RORA: variants seen among roughly 807,000 people sequenced by gnomAD.
RORA encodes the protein nuclear receptor ROR-alpha.
A neutral mutation model predicts 69.5 loss-of-function variants in RORA; 7 were observed. The ratio of observed to expected loss-of-function variants is 0.10; its 90% CI spans 0.06 to 0.19. RORA has a LOEUF of 0.19. RORA is among the 10% of genes least tolerant of loss of function. The pLI is 1.00. For synonymous variants in RORA, 261 were observed against 240.8 expected, an observed-to-expected ratio of 1.08 and a Z score of -0.78; for missense variants, 457 against 663.0, an observed-to-expected ratio of 0.69 and a Z score of 3.41.
chr15:60,558,049 G>A lies in RORA; in HGVS notation c.197-26198C>T, dbSNP rs375907040. ...GTTTGGCCTCTGAATGGGAACCTTAGTAGTGCCAATGACGAAAGAGAGAAT... is the reference window on the plus strand; with the variant it reads ...GTTTGGCCTCTGAATGGGAACCTTAATAGTGCCAATGACGAAAGAGAGAAT... On this transcript the variant is annotated intron_variant, in intron 2 of 10. Coordinates refer to ENST00000335670, the MANE Select transcript of RORA (RefSeq NM_134261.3). The A allele has an allele frequency of 1.6e-4, 68 of 422,004 alleles. No homozygotes were observed. In the Admixed American group the frequency reaches 2.6e-3, roughly 16 times the overall value. The allele number at this position is 422,004 out of a possible 1,614,324, so 26.1% of individuals were successfully genotyped here.
intron 1 of RORA, among the ~76,000 whole-genome samples, chr15:61,029,259 G>A (rs1390968847): frequency 6.6e-6 from 1 of 152,146 alleles, no homozygotes; most frequent in African/African-American, 2.4e-5. Context: ...GAGGAGCAAA[G>A]CTCCTGTGTG....
intron 1 of RORA, among the ~76,000 whole-genome samples, chr15:60,782,156 C>T (rs2072271909): frequency 6.6e-6 from 1 of 151,924 alleles, no homozygotes. Context: ...ACCTGGGAGG[C>T]GGAGGTTGCA....
At chr15:61,007,692 T>C (rs951568322) in intron 1 of RORA, among the ~76,000 whole-genome samples, 4 of 149,752 alleles carry the variant, frequency 2.7e-5, no homozygotes, top group African/African-American at 9.8e-5. Context: ...TAAAAATATA[T>C]AACATTAGGC....
chr15:60,622,048 C>CA lies in RORA; in HGVS notation c.196+56608dup, dbSNP rs201339236. 2.2e-3 allele frequency among the ~76,000 whole-genome samples: 324 copies of CA among 150,088 alleles called. 1 individual carries two copies. Among genetic ancestry groups the CA allele is most frequent in the Admixed American group, 8.8e-3 (133 of 15,096 alleles). ...GGGCAACAGGAGTGAAACTGTGACT[C>CA]AAAAAAAAGGAAAGCGGAATGTTCC... is the stretch of plus-strand genomic sequence containing the variant. On this transcript the variant is annotated intron_variant, in intron 2 of 10. Coordinates refer to ENST00000335670, the MANE Select transcript of RORA (RefSeq NM_134261.3).
chr15:60,917,723 A>G (rs951396267), intron 1 of RORA, among the ~76,000 whole-genome samples: 1 of 152,216 alleles, frequency 6.6e-6, no homozygotes, highest in African/African-American at 2.4e-5. Context: ...GGCTGAGAAT[A>G]TAATCTCTCA....
rs375530943 is a variant in RORA, at chr15:61,021,924, C to T, written c.166+207129G>A. 1.2e-3 allele frequency among the ~76,000 whole-genome samples: 180 copies of T among 152,280 alleles called. 1 individual carries two copies. The highest frequency in any genetic ancestry group is 4.1e-3 in the African/African-American group (171 of 41,562). ...TGGGATTTTGAGGGCGGGCACTATA[C>T]ATGAATGGTATATCACCTGGATGGG... On this transcript the variant is annotated intron_variant, in intron 1 of 10. Coordinates refer to ENST00000335670, the MANE Select transcript of RORA (RefSeq NM_134261.3).
chr15:60,851,138 T>C (rs1334592563), intron 1 of RORA, among the ~76,000 whole-genome samples: 1 of 152,154 alleles, frequency 6.6e-6, no homozygotes, highest in African/African-American at 2.4e-5. Context: ...GCTTGAGTCA[T>C]CAGGAGCAAC....
In RORA at chr15:60,507,694, A is replaced by G. The variant is rs970317433; in HGVS notation, c.821-2065T>C. ...AGGTAGTGAACTACCTCTTTTGGAA[A>G]GAACTCTCACTATATAAGGTCGTTT... On this transcript the variant is annotated intron_variant, in intron 5 of 10. Transcript: ENST00000335670. Among the ~76,000 whole-genome samples, 68 of 152,194 alleles carry G rather than the reference A, an allele frequency of 4.5e-4. 5 individuals carry two copies.
At chr15:60,972,414 T>G (rs1411328547) in intron 1 of RORA, among the ~76,000 whole-genome samples, 1 of 152,214 alleles carries the variant, frequency 6.6e-6, no homozygotes, top group Non-Finnish European at 1.5e-5. Context: ...ACCAAGCATC[T>G]GTGATACTGT....
chr15:60,935,876 A>AT (rs1892505042), intron 1 of RORA, among the ~76,000 whole-genome samples: 2 of 152,236 alleles, frequency 1.3e-5, no homozygotes, highest in African/African-American at 4.8e-5. Flanking sequence ...CCCAAAAGTT[A>AT]GCTTTGCCCT....
chr15:60,726,350 C>T (rs1360012937), intron 1 of RORA, among the ~76,000 whole-genome samples: 4 of 152,054 alleles, frequency 2.6e-5, no homozygotes, highest in Admixed American at 1.3e-4. Flanking sequence ...GAAATGTCTG[C>T]GTTCTTTGTT....
intron 1 of RORA, among the ~76,000 whole-genome samples, chr15:60,943,981 G>T (rs1471632000): frequency 1.4e-5 from 2 of 140,906 alleles, no homozygotes; most frequent in Non-Finnish European, 3.1e-5. Context: ...GAGCATAAAT[G>T]AGCATAAATA....
At chr15:61,053,522 G>A (rs1024028262) in intron 1 of RORA, among the ~76,000 whole-genome samples, 5 of 152,028 alleles carry the variant, frequency 3.3e-5, no homozygotes, top group Non-Finnish European at 5.9e-5. Flanking sequence ...GCTCTGATCA[G>A]CTACAAATGG....
chr15:60,825,988 A>T (rs1595745611), intron 1 of RORA, among the ~76,000 whole-genome samples: 1 of 152,208 alleles, frequency 6.6e-6, no homozygotes, highest in Middle Eastern at 3.2e-3. Context: ...AAAGGCTTTA[A>T]ATTCTATGAA....
intron 1 of RORA, among the ~76,000 whole-genome samples, chr15:60,726,325 T>C (rs915771809): frequency 3.9e-4 from 60 of 152,172 alleles, no homozygotes; most frequent in African/African-American, 1.4e-3. Context: ...TCAGGACCAA[T>C]GGAGAAGGAA....
At chr15:60,855,957 A>G (rs1032160188) in intron 1 of RORA, among the ~76,000 whole-genome samples, 4 of 152,194 alleles carry the variant, frequency 2.6e-5, no homozygotes, top group Admixed American at 6.5e-5. Context: ...CATTAAATTG[A>G]ACTAATATTA....
chr15:60,515,939 TTATATATATTTATATATTTATATTTA>T (rs1567050746), intron 3 of RORA, among the ~76,000 whole-genome samples: 13 of 32,540 alleles, frequency 4.0e-4, no homozygotes, highest in African/African-American at 6.4e-4. Flanking sequence ...ATATATATAT[TTATATATATTTATATATTTATATTTA>T]TATATATTTA....
At chr15:60,855,088 C>T (rs1163263656) in intron 1 of RORA, among the ~76,000 whole-genome samples, 3 of 152,208 alleles carry the variant, frequency 2.0e-5, no homozygotes, top group Admixed American at 2.0e-4. Flanking sequence ...GTGTGGCTGA[C>T]CACATGGGGG....
At chr15:60,730,738 T>C (rs1567171771) in intron 1 of RORA, among the ~76,000 whole-genome samples, 2 of 152,344 alleles carry the variant, frequency 1.3e-5, no homozygotes, top group South Asian at 2.1e-4. Context: ...AATATATCTA[T>C]ATTTGGTTAC....
Sources: gnomAD v4.1 joint callset for allele counts (sites outside exome capture counted in the v4.1 genomes callset) on GRCh38, gnomAD v4.1.1 for gene constraint, MANE v1.5 for transcripts, NCBI Gene and HGNC (gene_info 2026-07-23, HGNC 2026-07-21) for gene names.